DNAH10: variants seen among roughly 807,000 people sequenced by gnomAD.
The protein encoded by DNAH10 is dynein axonemal heavy chain 10.
A neutral mutation model predicts 506.6 loss-of-function variants in DNAH10; 348 were observed. The observed-to-expected ratio is 0.69, with a 90% CI of 0.63 to 0.75. DNAH10 has a LOEUF of 0.75. Ranked by LOEUF, DNAH10 falls within the 30% of genes least tolerant of loss-of-function variation. The pLI is 0.00. For missense variants in DNAH10, 5,179 were observed against 5,787.1 expected, an observed-to-expected ratio of 0.89 and a Z score of 3.41; for synonymous variants, 2,059 against 2,198.6, an observed-to-expected ratio of 0.94 and a Z score of 1.78.
Position 123,804,832 on chromosome 12 carries a change from G to C in DNAH10, c.2780-1G>C. On this transcript the variant is annotated splice_acceptor_variant, in intron 17 of 78. Transcript: ENST00000673944. LOFTEE classifies it high-confidence loss of function. ...GCTCTAACAGACATCTTTCTCTCCA[G>C]GCGTGAAGGAATTTTTTGAACACAT... 2 of 1,609,074 alleles carry C rather than the reference G, an allele frequency of 1.2e-6. No individual in the cohort carries two copies. Among genetic ancestry groups the C allele is most frequent in the African/African-American group, 2.7e-5 (2 of 74,874 alleles).
intron 26 of DNAH10, among the ~76,000 whole-genome samples, chr12:123,831,250 T>C (rs1960514227): frequency 6.6e-6 from 1 of 152,252 alleles, no homozygotes; most frequent in Admixed American, 6.5e-5. Flanking sequence ...TACTTAAAAA[T>C]GCATGCACAC....
At chr12:123,765,586 A>ATCTATCTATCTG (rs1470274499) in intron 1 of DNAH10, among the ~76,000 whole-genome samples, 2 of 142,790 alleles carry the variant, frequency 1.4e-5, no homozygotes, top group Admixed American at 1.5e-4. Context: ...CTATCTATCT[A>ATCTATCTATCTG]TCTATCTATC....
In DNAH10 at chr12:123,926,685, C is replaced by G. The variant is rs150466774; in HGVS notation, c.11970C>G (p.Ser3990Arg). 1 of 1,613,966 alleles carries G rather than the reference C, an allele frequency of 6.2e-7. No homozygotes were observed. The highest frequency in any genetic ancestry group is 8.5e-7 in the Non-Finnish European group (1 of 1,179,884). The change falls in exon 69 of 79, where the codon AGC becomes AGG. Residue 3990 changes from serine to arginine, a missense_variant. Around this residue, in one of 3 missense-constraint regions of DNAH10, gnomAD observed 4,844 missense variants for 5,430.5 expected, o/e 0.89. Transcript: ENST00000673944. The surrounding 1 kb of genome is among the most constrained non-coding windows in gnomAD (Gnocchi z 4.1). Reference sequence around the variant, plus strand: ...GCTTTGAAGCTATTTTTGAGCAGAGCACTCCACATTCGCCCATTGTGTTTA... The same window carrying G: ...GCTTTGAAGCTATTTTTGAGCAGAGGACTCCACATTCGCCCATTGTGTTTA... The part of the protein sequence containing the change: ...MISFEAIFEQ[S>R]TPHSPIVFIL...
Position 123,861,177 on chromosome 12 carries a change from A to C in DNAH10, c.6908+7A>C. ...CAGACAAGAAGGAGCGAAAGTGAGTATCTTTGTAGGTAGGAAAGAGCCTGG... is the reference window on the plus strand; with the variant it reads ...CAGACAAGAAGGAGCGAAAGTGAGTCTCTTTGTAGGTAGGAAAGAGCCTGG... On this transcript the variant is annotated splice_region_variant and intron_variant, in intron 39 of 78. Transcript: ENST00000673944. The C allele has an allele frequency of 6.2e-7, 1 of 1,613,536 alleles. No individual in the cohort carries two copies. The highest frequency in any genetic ancestry group is 1.1e-5 in the South Asian group (1 of 90,980).
At chr12:123,794,691 T>G (rs7965432) in intron 12 of DNAH10, among the ~76,000 whole-genome samples, 2 of 151,580 alleles carry the variant, frequency 1.3e-5, no homozygotes, top group African/African-American at 4.8e-5. Flanking sequence ...ACAAAAAATA[T>G]GAAAATTATC....
chr12:123,801,483 T>C, intron 16 of DNAH10, 51 bp downstream of exon 16: 1 of 1,574,516 alleles, frequency 6.4e-7, no homozygotes. Flanking sequence ...TGCAAAGTAA[T>C]TCTTTTAGGT....
chr12:123,848,071 C>G lies in DNAH10; in HGVS notation c.5925C>G (p.Asn1975Lys), dbSNP rs1488319868. The G allele has an allele frequency of 2.7e-5, 43 of 1,613,726 alleles. No individual in the cohort carries two copies. The highest frequency in any genetic ancestry group is 3.6e-5 in the Non-Finnish European group (43 of 1,179,778). Residue 1975 changes from asparagine to lysine, a missense_variant, in exon 33 of 79, where the codon AAC becomes AAG. By Grantham distance (94) the Asn-to-Lys change is moderately conservative. Coordinates refer to ENST00000673944, the MANE Select transcript of DNAH10 (RefSeq NM_001372106.1). ...KALGLLCVVTNCGEGMDYRAV... is the reference protein window; with the variant it reads ...KALGLLCVVTKCGEGMDYRAV... ...TGGGCTTGCTCTGTGTTGTCACCAA[C>G]TGTGGCGAAGGCATGGATTACAGGG...
At chr12:123,900,342 G>T (rs1269565783) in intron 56 of DNAH10, among the ~76,000 whole-genome samples, 1 of 152,184 alleles carries the variant, frequency 6.6e-6, no homozygotes, top group Non-Finnish European at 1.5e-5. Flanking sequence ...CATCTGTCCA[G>T]TCAGCAGATA....
intron 11 of DNAH10, 99 bp downstream of exon 11, chr12:123,790,220 T>A (rs932321380): frequency 1.0e-4 from 127 of 1,247,280 alleles, no homozygotes; most frequent in Non-Finnish European, 1.4e-4. Context: ...TCTTTTTTTT[T>A]AAATCACAAG....
intron 77 of DNAH10, chr12:123,933,947 C>T: frequency 2.2e-6 from 1 of 463,316 alleles, no homozygotes; most frequent in Admixed American, 3.8e-5. Flanking sequence ...ACATTGGTTA[C>T]TGACTGTGCA....
rs776405675 is a variant in DNAH10 at position 123,931,340 on chromosome 12, G to A, written c.12785-1G>A. 1.9e-6 allele frequency: 3 copies of A among 1,613,482 alleles called. No homozygotes were observed. In the South Asian group the frequency reaches 3.3e-5, roughly 18 times the overall value. On this transcript the variant is annotated splice_acceptor_variant, in intron 73 of 78. Coordinates refer to ENST00000673944, the MANE Select transcript of DNAH10 (RefSeq NM_001372106.1). LOFTEE classifies it high-confidence loss of function. ...ACCTCCGTTGTTCTCTGTGATTGCAGAAGCCATCGAGGCCCTCCCGCTTGC... is the reference window on the plus strand; with the variant it reads ...ACCTCCGTTGTTCTCTGTGATTGCAAAAGCCATCGAGGCCCTCCCGCTTGC...
chr12:123,923,806 C>A lies in DNAH10; in HGVS notation c.11550C>A (p.Thr3850=). ...AGCTACTCTTTTCTTTTAATATGACCATCAAGATAGAACAAGCAGAAGGGA... is the reference window on the plus strand; with the variant it reads ...AGCTACTCTTTTCTTTTAATATGACAATCAAGATAGAACAAGCAGAAGGGA... ...RHKLLFSFNM[T]IKIEQAEGRV... Residue 3850 remains threonine (T), a synonymous_variant, in exon 66 of 79, where the codon ACC becomes ACA. Transcript: ENST00000673944. The A allele has an allele frequency of 6.2e-7, 1 of 1,612,688 alleles. No homozygotes were observed.
intron 77 of DNAH10, 43 bp downstream of exon 77, chr12:123,933,554 T>C: frequency 6.5e-7 from 1 of 1,535,214 alleles, no homozygotes; most frequent in Non-Finnish European, 8.8e-7. Flanking sequence ...TCACTTAGGA[T>C]TTCTCTCCCT....
chr12:123,807,071 CTA>C (rs1187229537), intron 18 of DNAH10, among the ~76,000 whole-genome samples: 3 of 152,080 alleles, frequency 2.0e-5, no homozygotes, highest in Admixed American at 2.0e-4. Context: ...CCTGGCCCTG[CTA>C]TGTTTTCTTT....
chr12:123,926,238 A>T lies in DNAH10; in HGVS notation c.11922-399A>T, dbSNP rs200817796. The stretch of plus-strand genomic sequence containing the variant: ...AGAGTGAGATTATATATTTCAATTT[A>T]AAAAAAAAAAAAAAAAAGAAAAAGA... On this transcript the variant is annotated intron_variant, in intron 68 of 78. Transcript: ENST00000673944. The surrounding 1 kb of genome is among the most constrained non-coding windows in gnomAD (Gnocchi z 4.1). Among the ~76,000 whole-genome samples the T allele has an allele frequency of 6.4e-4, 75 of 117,818 alleles. 1 individual carries two copies. Among genetic ancestry groups the T allele is most frequent in the Admixed American group, 3.7e-3 (46 of 12,272 alleles). 77.3% of individuals were successfully genotyped at this position (117,818 alleles called of 152,430 possible). A position where few individuals can be genotyped will look rare whatever the true frequency, so the allele number is the denominator to read the frequency against.
chr12:123,799,615 G>T (rs77264359), intron 14 of DNAH10, among the ~76,000 whole-genome samples: 15,577 of 152,122 alleles, frequency 0.1, 1,523 homozygotes, highest in African/African-American at 0.26. Context: ...CCAAGCCTCC[G>T]TTTCCCCATT....
chr12:123,877,834 A>G lies in DNAH10; in HGVS notation c.8298A>G (p.Ser2766=), dbSNP rs1349020349. The G allele has an allele frequency of 6.2e-7, 1 of 1,614,044 alleles. No homozygotes were observed. Among genetic ancestry groups the G allele is most frequent in the East Asian group, 2.2e-5 (1 of 44,888 alleles). The part of the protein sequence containing the change: ...NIVQDLPPTP[S]KFHYIFNLRD... ...TGCAAGACCTACCTCCCACTCCGTC[A>G]AAGTTCCATTACATCTTCAACCTTC... The change falls in exon 48 of 79, where the codon TCA becomes TCG. Residue 2766 remains serine (S), a synonymous_variant. Transcript: ENST00000673944.
In DNAH10 at chr12:123,877,825, C is replaced by G. The variant is rs1159957893; in HGVS notation, c.8289C>G (p.Pro2763=). 6.2e-7 allele frequency: 1 copy of G among 1,614,000 alleles called. No homozygotes were observed. Residue 2763 remains proline, a synonymous_variant, in exon 48 of 79, where the codon CCC becomes CCG. Transcript: ENST00000673944. ...LYKNIVQDLP[P]TPSKFHYIFN... The stretch of plus-strand genomic sequence containing the variant: ...AAAATATTGTGCAAGACCTACCTCC[C>G]ACTCCGTCAAAGTTCCATTACATCT...
At chr12:123,806,768 GTTT>G (rs759640354) in intron 18 of DNAH10, among the ~76,000 whole-genome samples, 3 of 135,866 alleles carry the variant, frequency 2.2e-5, no homozygotes, top group Non-Finnish European at 1.6e-5. Context: ...AATATGCTAT[GTTT>G]TTTTTTTTTT....
Sources: gnomAD v4.1 joint callset for allele counts (sites outside exome capture counted in the v4.1 genomes callset) on GRCh38, gnomAD v4.1.1 for gene constraint, gnomAD v4.1.1 regional missense constraint, Gnocchi (gnomAD v3.1) non-coding constraint, MANE v1.5 for transcripts, NCBI Gene and HGNC (gene_info 2026-07-23, HGNC 2026-07-21) for gene names.